Variants in AKT2 observed in about 807,000 individuals in gnomAD.
AKT2 encodes RAC-beta serine/threonine-protein kinase.
A neutral mutation model predicts 58.6 loss-of-function variants in AKT2; 16 were observed. The observed-to-expected ratio is 0.27, with a 90% CI of 0.18 to 0.41. The LOEUF (loss-of-function observed/expected upper bound fraction) is 0.41. AKT2 is among the 10% of genes least tolerant of loss of function. The pLI, the probability that AKT2 is intolerant of heterozygous loss-of-function variation, is 1.00. For synonymous variants in AKT2, 253 were observed against 254.0 expected, an observed-to-expected ratio of 1.00 and a Z score of 0.04; for missense variants, 438 against 661.0, an observed-to-expected ratio of 0.66 and a Z score of 3.70.
rs533366952 is a variant in AKT2 at position 40,234,526 on chromosome 19, C to T, written c.1366+519G>A. 10 of 292,480 alleles carry T rather than the reference C, an allele frequency of 3.4e-5. No individual in the cohort carries two copies. The highest frequency in any genetic ancestry group is 1.5e-4 in the African/African-American group (7 of 46,296). The allele number at this position is 292,480 out of a possible 1,614,324, so 18.1% of individuals were successfully genotyped here. A position where few individuals can be genotyped will look rare whatever the true frequency, so the allele number is the denominator to read the frequency against. ...GCTGGCATCCCACACGTCATTCCTC[C>T]GGCCAGCTGACACGTTTGCTTCCTC... On this transcript the variant is annotated intron_variant, in intron 13 of 13. Transcript: ENST00000392038. The surrounding 1 kb of genome is among the most constrained non-coding windows in gnomAD (Gnocchi z 4.7).
At chr19:40,244,029 G>A (rs1321169093) in intron 4 of AKT2, 1 of 148,108 alleles carries the variant, frequency 6.8e-6, no homozygotes, top group Non-Finnish European at 1.5e-5. Flanking sequence ...GGACAACAGT[G>A]CGAGACTCCA....
At position 40,260,877 on chromosome 19, in the gene AKT2, G is replaced by T. The variant is rs1600072565; in HGVS notation, c.47-3823C>A. Among the ~76,000 whole-genome samples, 3 of 152,282 alleles carry T rather than the reference G, an allele frequency of 2.0e-5. No homozygotes were observed. In the East Asian group the frequency reaches 5.8e-4, roughly 29 times the overall value. On this transcript the variant is annotated intron_variant, in intron 2 of 13. Coordinates refer to ENST00000392038, the MANE Select transcript of AKT2 (RefSeq NM_001626.6). Reference sequence around the variant, plus strand: ...GCAGGAGGATCACTTGAGACCAGGAGGTTGAGGCTGCAGTGAGCCATGAGC... The same window carrying T: ...GCAGGAGGATCACTTGAGACCAGGATGTTGAGGCTGCAGTGAGCCATGAGC...
intron 2 of AKT2, among the ~76,000 whole-genome samples, chr19:40,260,506 T>G (rs1377120450): frequency 2.6e-5 from 4 of 151,440 alleles, no homozygotes; most frequent in African/African-American, 4.9e-5. Context: ...GGCGCACACC[T>G]GTAGTCCCAG....
At chr19:40,264,202 G>C (rs966479708) in intron 2 of AKT2, among the ~76,000 whole-genome samples, 1 of 152,130 alleles carries the variant, frequency 6.6e-6, no homozygotes, top group Non-Finnish European at 1.5e-5. Flanking sequence ...GCCACACCTG[G>C]GGACCTTCTT....
chr19:40,235,343 C>A lies in AKT2; in HGVS notation c.1183G>T (p.Gly395Trp), dbSNP rs1257580103. ...LKKDPKQRLG[G>W]GPSDAKEVME... ...ACCTCCTTGGCATCGCTGGGCCCCC[C>A]ACCAAGCCTGTGCAGAGACGGCCGT... The change falls in exon 12 of 14, where the codon GGG (glycine) becomes TGG (tryptophan). Residue 395 changes from glycine (G) to tryptophan (W), a missense_variant. Transcript: ENST00000392038. This position sits in a 1 kb window ranked among gnomAD's most constrained non-coding sequence, Gnocchi z 6.3. 3 of 1,613,826 alleles carry A rather than the reference C, an allele frequency of 1.9e-6. No individual in the cohort carries two copies. Among genetic ancestry groups the A allele is most frequent in the East Asian group, 2.2e-5 (1 of 44,876 alleles).
intron 6 of AKT2, 194 bp downstream of exon 6, chr19:40,241,744 G>A (rs967210989): frequency 2.5e-6 from 2 of 804,412 alleles, no homozygotes; most frequent in Admixed American, 4.6e-5. Flanking sequence ...AACATAGGGT[G>A]GAGGTGGGGA....
intron 1 of AKT2, chr19:40,280,751 C>G (rs548375688): frequency 6.6e-6 from 1 of 152,594 alleles, no homozygotes; most frequent in African/African-American, 2.4e-5. Flanking sequence ...AGGGCTGTTC[C>G]TTCTCCTCCC....
rs1486379602 is a variant in AKT2, at chr19:40,253,983, A to T, written c.287+1175T>A. Among the ~76,000 whole-genome samples the T allele has an allele frequency of 9.5e-5, 13 of 137,156 alleles. No homozygotes were observed. The East Asian group carries it at 1.3e-3, about 13-fold the overall frequency. The allele number at this position is 137,156 out of a possible 152,430, so 90.0% of individuals were successfully genotyped here. A position where few individuals can be genotyped will look rare whatever the true frequency, so the allele number is the denominator to read the frequency against. ...ATGTACAATGCTACCTTTTGTATTT[A>T]AAAAAAAAAAAAAAAAGGCAGCCAG... On this transcript the variant is annotated intron_variant, in intron 4 of 13. Coordinates refer to ENST00000392038, the MANE Select transcript of AKT2 (RefSeq NM_001626.6).
intron 4 of AKT2, chr19:40,244,091 AT>A (rs34143654): frequency 6.8e-6 from 1 of 148,072 alleles, no homozygotes; most frequent in East Asian, 2.2e-4. Flanking sequence ...AATAATAATA[AT>A]AAAATAAAGA....
At chr19:40,258,375 A>G (rs1020801568) in intron 2 of AKT2, among the ~76,000 whole-genome samples, 2 of 152,064 alleles carry the variant, frequency 1.3e-5, no homozygotes, top group African/African-American at 4.8e-5. Flanking sequence ...TTTTACCTCA[A>G]CATGGCTATT....
At chr19:40,261,443 G>C (rs1027966843) in intron 2 of AKT2, among the ~76,000 whole-genome samples, 3 of 151,074 alleles carry the variant, frequency 2.0e-5, no homozygotes, top group African/African-American at 4.9e-5. Context: ...TGAAGCAGGA[G>C]AATTCCTTGA....
rs1177475756 is a variant in AKT2 at position 40,234,936 on chromosome 19, A to C, written c.1366+109T>G. ...GAGCAGACTTGGGGAAATCTCCCAG[A>C]CATGAAGCGGGGGCCTTCGAGGGCC... On this transcript the variant is annotated intron_variant, in intron 13 of 13. Transcript: ENST00000392038. The surrounding 1 kb of genome is among the most constrained non-coding windows in gnomAD (Gnocchi z 4.7). 1 of 1,022,982 alleles carries C rather than the reference A, an allele frequency of 9.8e-7. No individual in the cohort carries two copies. Among genetic ancestry groups the C allele is most frequent in the Non-Finnish European group, 1.5e-6 (1 of 661,920 alleles). 63.4% of individuals were successfully genotyped at this position (1,022,982 alleles called of 1,614,324 possible).
chr19:40,246,906 G>A (rs138930160), intron 4 of AKT2, among the ~76,000 whole-genome samples: 2 of 152,346 alleles, frequency 1.3e-5, no homozygotes, highest in Non-Finnish European at 2.9e-5. Flanking sequence ...AGAGGTTGGC[G>A]GGCTGTCGGC....
chr19:40,254,201 G>A (rs1975371304), intron 4 of AKT2, among the ~76,000 whole-genome samples: 1 of 152,062 alleles, frequency 6.6e-6, no homozygotes, highest in African/African-American at 2.4e-5. Context: ...ATGACTCTCT[G>A]GACCACCTGC....
intron 4 of AKT2, among the ~76,000 whole-genome samples, chr19:40,253,922 C>G (rs940104479): frequency 6.6e-6 from 1 of 151,668 alleles, no homozygotes; most frequent in Non-Finnish European, 1.5e-5. Flanking sequence ...GGCAAATTCC[C>G]CAAGGTACAC....
rs760813871 is a variant in AKT2 at position 40,235,010 on chromosome 19, G to C, written c.1366+35C>G. ...CAGATCCCATCCCTCCACCCCTGGG[G>C]CAGGCACACCAGCGCGGGGGCCCCA... On this transcript the variant is annotated intron_variant, in intron 13 of 13. Coordinates refer to ENST00000392038, the MANE Select transcript of AKT2 (RefSeq NM_001626.6). This position sits in a 1 kb window ranked among gnomAD's most constrained non-coding sequence, Gnocchi z 6.3. 5.7e-6 allele frequency: 9 copies of C among 1,570,748 alleles called. No individual in the cohort carries two copies. The highest frequency in any genetic ancestry group is 7.0e-6 in the Non-Finnish European group (8 of 1,140,652).
At chr19:40,260,398 G>A (rs907181406) in intron 2 of AKT2, among the ~76,000 whole-genome samples, 6 of 151,962 alleles carry the variant, frequency 3.9e-5, no homozygotes, top group African/African-American at 7.3e-5. Flanking sequence ...TTGGGAGGCC[G>A]AGGTGGGCGG....
intron 1 of AKT2, among the ~76,000 whole-genome samples, chr19:40,278,224 C>T (rs2145426406): frequency 6.6e-6 from 1 of 152,332 alleles, no homozygotes; most frequent in Admixed American, 6.5e-5. Flanking sequence ...GCAGCTTCGC[C>T]GACAGAGCAG....
chr19:40,253,482 T>A lies in AKT2; in HGVS notation c.287+1676A>T, dbSNP rs557464828. On this transcript the variant is annotated intron_variant, in intron 4 of 13. Transcript: ENST00000392038. ...AATAGACAATATAGACACTTCAGAATAGGAACTCACATGGCCCTTGAGGGT... is the reference window on the plus strand; with the variant it reads ...AATAGACAATATAGACACTTCAGAAAAGGAACTCACATGGCCCTTGAGGGT... Among the ~76,000 whole-genome samples the A allele has an allele frequency of 2.0e-5, 3 of 151,982 alleles. No individual in the cohort carries two copies. The South Asian group carries it at 6.2e-4, about 32-fold the overall frequency.
Sources: gnomAD v4.1 joint callset for allele counts (sites outside exome capture counted in the v4.1 genomes callset) on GRCh38, gnomAD v4.1.1 for gene constraint, Gnocchi (gnomAD v3.1) non-coding constraint, MANE v1.5 for transcripts, NCBI Gene and HGNC (gene_info 2026-07-23, HGNC 2026-07-21) for gene names.